PSMA3: variants seen among roughly 807,000 people sequenced by gnomAD.
PSMA3 encodes the protein proteasome subunit alpha type-3.
A neutral mutation model predicts 40.0 loss-of-function variants in PSMA3; 8 were observed. The observed-to-expected ratio is 0.20, with a 90% CI of 0.12 to 0.36. The LOEUF is 0.36. Among genes scored for constraint, PSMA3 ranks in the 10% least tolerant of loss-of-function variants. The pLI is 1.00. For missense variants in PSMA3, 219 were observed against 310.6 expected (o/e 0.70, Z 2.22); for synonymous variants, 110 against 100.0 (o/e 1.10, Z -0.59).
intron 6 of PSMA3, 116 bp downstream of exon 6, chr14:58,261,136 TTTTTC>T (rs1890269527): frequency 5.6e-6 from 4 of 711,596 alleles, no homozygotes; most frequent in South Asian, 4.3e-5. Flanking sequence ...AGGAAAGTAA[TTTTTC>T]TTTTTTTTTT....
chr14:58,269,566 G>C (rs962400774), intron 8 of PSMA3: 1 of 151,396 alleles, frequency 6.6e-6, no homozygotes, highest in Non-Finnish European at 1.5e-5. Context: ...CCGAGTAGTT[G>C]GGACTACAGG....
At chr14:58,268,832 CCT>C in intron 8 of PSMA3, 1 of 152,220 alleles carries the variant, frequency 6.6e-6, no homozygotes, top group South Asian at 2.1e-4. Context: ...AAATCAAGAT[CCT>C]CTCATATTAT....
At chr14:58,261,061 A>G (rs1890267562) in intron 6 of PSMA3, 41 bp downstream of exon 6, 1 of 1,334,620 alleles carries the variant, frequency 7.5e-7, no homozygotes, top group Non-Finnish European at 1.1e-6. Context: ...TTTTAGTTTA[A>G]TGGTATTTCA....
chr14:58,254,338 A>ATC (rs1890092212), intron 3 of PSMA3, among the ~76,000 whole-genome samples: 1 of 111,312 alleles, frequency 9.0e-6, no homozygotes, highest in Non-Finnish European at 1.8e-5. Flanking sequence ...GCATGCATAT[A>ATC]TATATGTATG....
rs771481762 is a variant in PSMA3, at chr14:58,252,229, G to A, written c.215G>A (p.Arg72Gln). 9.3e-6 allele frequency: 15 copies of A among 1,606,112 alleles called. No homozygotes were observed. Among genetic ancestry groups the A allele is most frequent in the East Asian group, 8.9e-5 (4 of 44,804 alleles). Residue 72 changes from arginine (R) to glutamine (Q), a missense_variant, in exon 3 of 11, where the codon CGG becomes CAG. Physicochemically the swap from Arg to Gln is conservative, Grantham distance 43. Coordinates refer to ENST00000216455, the MANE Select transcript of PSMA3 (RefSeq NM_002788.4). ...AACAAAAGACTTTTTAATGTTGATC[G>A]GCATGTTGGAATGGTAAGGTCATGT... ...GSNKRLFNVDRHVGMAVAGLL... is the reference protein window; with the variant it reads ...GSNKRLFNVDQHVGMAVAGLL...
In PSMA3 at chr14:58,270,997, A is replaced by T. The variant is rs936072650; in HGVS notation, c.722A>T (p.Lys241Met). The change falls in exon 10 of 11, where the codon AAG becomes ATG. Residue 241 changes from lysine (K) to methionine (M), a missense_variant and splice_region_variant. Coordinates refer to ENST00000216455, the MANE Select transcript of PSMA3 (RefSeq NM_002788.4). ...AGAGAAGAAGCAGAGAAATATGCTA[A>T]GGTAAGCCACAGCACAAAAACTTCT... ...DIREEAEKYA[K>M]ESLKEEDESD... The T allele has an allele frequency of 1.6e-5, 26 of 1,604,560 alleles. No individual in the cohort carries two copies. The highest frequency in any genetic ancestry group is 2.1e-5 in the Non-Finnish European group (25 of 1,174,104).
At chr14:58,252,019 A>C (rs1890022611) in intron 2 of PSMA3, 100 bp from the exon 3 acceptor site, 1 of 1,217,790 alleles carries the variant, frequency 8.2e-7, no homozygotes, top group African/African-American at 1.5e-5. Context: ...GGTATTTGGC[A>C]TGCCTTAAAT....
At chr14:58,261,625 ATGTCT>A (rs1890284550) in intron 6 of PSMA3, among the ~76,000 whole-genome samples, 1 of 151,940 alleles carries the variant, frequency 6.6e-6, no homozygotes, top group African/African-American at 2.4e-5. Context: ...ACTGTATTTA[ATGTCT>A]TTTTTCCTCA....
At chr14:58,249,566 G>A (rs1381779363) in intron 2 of PSMA3, among the ~76,000 whole-genome samples, 3 of 152,066 alleles carry the variant, frequency 2.0e-5, no homozygotes, top group East Asian at 1.9e-4. Context: ...AGGCTGGAGT[G>A]CAGTGGTGTG....
At chr14:58,267,025 T>TCC (rs1491202030) in intron 7 of PSMA3, 1 of 152,188 alleles carries the variant, frequency 6.6e-6, no homozygotes, top group Non-Finnish European at 1.5e-5. Context: ...TTTTAGACAG[T>TCC]CTCTCTCTCT....
At chr14:58,271,689 C>T (rs1456661289) in intron 10 of PSMA3, among the ~76,000 whole-genome samples, 162 bp from the exon 11 acceptor site, 1 of 152,142 alleles carries the variant, frequency 6.6e-6, no homozygotes, top group Non-Finnish European at 1.5e-5. Context: ...GCAACATTTG[C>T]TTAATTAACT....
intron 7 of PSMA3, 94 bp downstream of exon 7, chr14:58,263,864 A>C (rs1378171748): frequency 1.7e-6 from 2 of 1,151,430 alleles, no homozygotes; most frequent in South Asian, 1.3e-5. Context: ...AGGGATGTCC[A>C]ATCATTTGGC....
At chr14:58,247,262 T>C (rs1889902860) in intron 1 of PSMA3, among the ~76,000 whole-genome samples, 1 of 152,220 alleles carries the variant, frequency 6.6e-6, no homozygotes, top group South Asian at 2.1e-4. Flanking sequence ...TTTACTGCTG[T>C]ACCTCTAGCA....
chr14:58,260,931 T>G lies in PSMA3; in HGVS notation c.405-17T>G. On this transcript the variant is annotated splice_polypyrimidine_tract_variant and intron_variant, in intron 5 of 10. Coordinates refer to ENST00000216455, the MANE Select transcript of PSMA3 (RefSeq NM_002788.4). Reference sequence around the variant, plus strand: ...TGTTATTGCCATGGTTTAAGCTGTTTGTATACTTTCATGCAGTTTCATGTT... The same window carrying G: ...TGTTATTGCCATGGTTTAAGCTGTTGGTATACTTTCATGCAGTTTCATGTT... 1 of 1,581,938 alleles carries G rather than the reference T, an allele frequency of 6.3e-7. No homozygotes were observed. Among genetic ancestry groups the G allele is most frequent in the Non-Finnish European group, 8.6e-7 (1 of 1,156,334 alleles).
intron 2 of PSMA3, among the ~76,000 whole-genome samples, chr14:58,248,236 G>GT (rs1273963639): frequency 6.6e-6 from 1 of 152,112 alleles, no homozygotes; most frequent in African/African-American, 2.4e-5. Context: ...TTCTATGTCT[G>GT]TTTCTGTTTT....
chr14:58,268,426 ACACT>A (rs978876864), intron 8 of PSMA3, among the ~76,000 whole-genome samples: 36 of 152,130 alleles, frequency 2.4e-4, no homozygotes, highest in African/African-American at 8.4e-4. Context: ...TATTTACATC[ACACT>A]CAGAGTCTCT....
At chr14:58,246,428 C>T (rs993275921) in intron 1 of PSMA3, among the ~76,000 whole-genome samples, 1 of 152,178 alleles carries the variant, frequency 6.6e-6, no homozygotes, top group East Asian at 1.9e-4. Flanking sequence ...GAGACGGAGT[C>T]TTGCTCTGTT....
intron 9 of PSMA3, 107 bp from the exon 10 acceptor site, chr14:58,270,827 A>G: frequency 1.0e-6 from 1 of 976,698 alleles, no homozygotes; most frequent in Admixed American, 2.9e-5. Context: ...CAACTTTGCA[A>G]CCTTAGGTGA....
chr14:58,261,067 T>C, intron 6 of PSMA3, 47 bp downstream of exon 6: 2 of 1,283,272 alleles, frequency 1.6e-6, no homozygotes, highest in Non-Finnish European at 2.3e-6. Context: ...TTTAATGGTA[T>C]TTCATTAGCA....
Sources: gnomAD v4.1 joint callset for allele counts (sites outside exome capture counted in the v4.1 genomes callset) on GRCh38, gnomAD v4.1.1 for gene constraint, MANE v1.5 for transcripts, NCBI Gene and HGNC (gene_info 2026-07-23, HGNC 2026-07-21) for gene names.